CCND3: variants seen among roughly 807,000 people sequenced by gnomAD.
CCND3 encodes the protein G1/S-specific cyclin-D3.
A neutral mutation model predicts 28.7 loss-of-function variants in CCND3; 9 were observed. That is an observed-to-expected ratio of 0.31 (90% confidence interval 0.19 to 0.55). The LOEUF (loss-of-function observed/expected upper bound fraction) is 0.55, where lower values mean the gene tolerates loss of function less well. Among genes scored for constraint, CCND3 ranks in the 20% least tolerant of loss-of-function variants. The probability of loss-of-function intolerance (pLI) is 0.93; values close to 1 mark genes in which losing one functional copy is unlikely to be tolerated. For missense variants in CCND3, 315 were observed against 385.8 expected (o/e 0.82, Z 1.54); for synonymous variants, 164 against 163.9 (o/e 1.00, Z 0.00).
Position 41,987,727 on chromosome 6 carries a change from CTT to C in CCND3, c.-45-47144_-45-47143del, listed in dbSNP as rs370132001. Among the ~76,000 whole-genome samples, 40 of 151,206 alleles carry C rather than the reference CTT, an allele frequency of 2.6e-4. No homozygotes were observed. The East Asian group carries it at 7.4e-3, about 28-fold the overall frequency. On this transcript the variant is annotated intron_variant, in intron 1 of 4. Coordinates refer to the CCND3 transcript ENST00000372988. ...ATGTTGCCCAGACTGGTCTCGAACT[CTT>C]GGGCTCAAGTGATCTTCCTGCCTTG...
chr6:42,016,433 T>C (rs1454918926), intron 1 of CCND3, among the ~76,000 whole-genome samples: 2 of 152,146 alleles, frequency 1.3e-5, no homozygotes, highest in Non-Finnish European at 2.9e-5. Context: ...TACTAATATC[T>C]CTGTCCTTCA....
intron 1 of CCND3, among the ~76,000 whole-genome samples, chr6:42,014,892 A>G (rs1337757102): frequency 6.6e-6 from 1 of 152,228 alleles, no homozygotes; most frequent in Non-Finnish European, 1.5e-5. Flanking sequence ...TCCAACATAT[A>G]TACTTGTTAT....
At position 42,044,455 on chromosome 6, in the gene CCND3, T is replaced by C. The variant is rs1433313640; in HGVS notation, c.-46+4046A>G. Among the ~76,000 whole-genome samples the C allele has an allele frequency of 3.3e-5, 5 of 152,106 alleles. No individual in the cohort carries two copies. In the East Asian group the frequency reaches 5.8e-4, roughly 18 times the overall value. The stretch of plus-strand genomic sequence containing the variant: ...GAGTATGGGAGAGCAAAGAATGACA[T>C]AGAAGAGGAAAGCAGGGGGAAAATC... On this transcript the variant is annotated intron_variant, in intron 1 of 4. Transcript: ENST00000372988.
chr6:41,940,558 CCTCCTCACAGCGCTG>C lies in CCND3; in HGVS notation c.211_225del (p.Gln71_Glu75del). 6.2e-7 allele frequency: 1 copy of C among 1,613,770 alleles called. No individual in the cohort carries two copies. The highest frequency in any genetic ancestry group is 8.5e-7 in the Non-Finnish European group (1 of 1,179,890). On this transcript the variant is annotated inframe_deletion, in exon 2 of 5. Coordinates refer to ENST00000372991, the MANE Select transcript of CCND3 (RefSeq NM_001760.5). ...TAGTTCATGGCCAGGGGGAAGACTTCCTCCTCACAGCGCTGCTCCTCACATACCTGGGGGAGGGCG... is the reference window on the plus strand; with the variant it reads ...TAGTTCATGGCCAGGGGGAAGACTTCCTCCTCACATACCTGGGGGAGGGCG...
At chr6:42,000,235 T>G (rs866267850) in intron 1 of CCND3, among the ~76,000 whole-genome samples, 64 of 17,566 alleles carry the variant, frequency 3.6e-3, no homozygotes, top group South Asian at 6.8e-3. Context: ...GAAAACATAC[T>G]TTTTTTTTTT....
chr6:41,951,754 A>ATTTTTTATT (rs1321740660), intron 1 of CCND3, among the ~76,000 whole-genome samples: 1 of 151,184 alleles, frequency 6.6e-6, no homozygotes, highest in Non-Finnish European at 1.5e-5. Flanking sequence ...GATCCCACTT[A>ATTTTTTATT]TTTTTTATTT....
Position 41,941,218 on chromosome 6 carries a change from G to A in CCND3, c.198+234C>T. 2.1e-6 allele frequency: 3 copies of A among 1,435,630 alleles called. No homozygotes were observed. The highest frequency in any genetic ancestry group is 2.7e-6 in the Non-Finnish European group (3 of 1,099,102). The allele number at this position is 1,435,630 out of a possible 1,614,324, so 88.9% of individuals were successfully genotyped here. On this transcript the variant is annotated intron_variant, in intron 1 of 4. Transcript: ENST00000372991. This position sits in a 1 kb window ranked among gnomAD's most constrained non-coding sequence, Gnocchi z 6.1. ...TGGTCCCGTTTGCTCGGCCCGAAGA[G>A]AGGCACAGTTAGGGTGCCAAGTGAC...
At chr6:41,953,206 A>T (rs1029480526) in intron 1 of CCND3, among the ~76,000 whole-genome samples, 2 of 151,452 alleles carry the variant, frequency 1.3e-5, no homozygotes, top group Non-Finnish European at 2.9e-5. Flanking sequence ...CGGAGGTTGC[A>T]GTGAGCCGAG....
intron 1 of CCND3, among the ~76,000 whole-genome samples, chr6:42,004,655 G>A (rs747665611): frequency 5.3e-5 from 8 of 152,070 alleles, no homozygotes; most frequent in Non-Finnish European, 8.8e-5. Flanking sequence ...GCTTGAACCC[G>A]GGAGGCAGAA....
chr6:41,988,113 C>T (rs771589877), intron 1 of CCND3, among the ~76,000 whole-genome samples: 2 of 151,760 alleles, frequency 1.3e-5, no homozygotes, highest in East Asian at 1.9e-4. Flanking sequence ...GTCAGGAGTT[C>T]GAGACCAACC....
At chr6:42,015,538 G>A (rs180714321) in intron 1 of CCND3, among the ~76,000 whole-genome samples, 25 of 152,120 alleles carry the variant, frequency 1.6e-4, no homozygotes, top group African/African-American at 5.1e-4. Flanking sequence ...GTGAAATCTC[G>A]TCTCTACTAA....
At chr6:42,037,212 T>C (rs930297680) in intron 1 of CCND3, among the ~76,000 whole-genome samples, 4 of 151,950 alleles carry the variant, frequency 2.6e-5, no homozygotes, top group Non-Finnish European at 5.9e-5. Flanking sequence ...AGTGTTGGGA[T>C]TACAGGCGTG....
Position 41,935,577 on chromosome 6 carries a change from A to G in CCND3, c.*363T>C. 2.1e-6 allele frequency: 1 copy of G among 465,544 alleles called. No individual in the cohort carries two copies. 28.8% of individuals were successfully genotyped at this position (465,544 alleles called of 1,614,324 possible). A position where few individuals can be genotyped will look rare whatever the true frequency, so the allele number is the denominator to read the frequency against. On this transcript the variant is annotated 3_prime_UTR_variant, in exon 5 of 5. Transcript: ENST00000372991. The stretch of plus-strand genomic sequence containing the variant: ...AGGGACAACACCTTTAGAAGGCACT[A>G]GAGCATTTTGGCAGTTGAAAACATG...
upstream of CCND3, among the ~76,000 whole-genome samples, chr6:41,945,186 T>C (rs920686170): frequency 6.6e-6 from 1 of 152,124 alleles, no homozygotes; most frequent in Non-Finnish European, 1.5e-5. Flanking sequence ...GGAGGAAAGA[T>C]ACATTTTCTT....
At chr6:42,012,225 G>T (rs1763363384) in intron 1 of CCND3, among the ~76,000 whole-genome samples, 1 of 152,086 alleles carries the variant, frequency 6.6e-6, no homozygotes, top group South Asian at 2.1e-4. Context: ...GGCCAATATG[G>T]CAAAACCCCA....
rs960199290 is a variant in CCND3 at position 41,936,915 on chromosome 6, G to A, written c.575-220C>T. 1.0e-4 allele frequency: 62 copies of A among 600,242 alleles called. No individual in the cohort carries two copies. The highest frequency in any genetic ancestry group is 8.4e-5 in the East Asian group (3 of 35,632). The allele number at this position is 600,242 out of a possible 1,614,324, so 37.2% of individuals were successfully genotyped here. A position where few individuals can be genotyped will look rare whatever the true frequency, so the allele number is the denominator to read the frequency against. On this transcript the variant is annotated intron_variant, in intron 3 of 4. Transcript: ENST00000372991. This position sits in a 1 kb window ranked among gnomAD's most constrained non-coding sequence, Gnocchi z 4.4. ...CCAACTGCCAGTTTCCATAGGTCCCGGGAATAGACAAGACACTCCCTAGTA... is the reference window on the plus strand; with the variant it reads ...CCAACTGCCAGTTTCCATAGGTCCCAGGAATAGACAAGACACTCCCTAGTA...
chr6:41,974,767 G>A (rs1232520929), intron 1 of CCND3, among the ~76,000 whole-genome samples: 3 of 149,712 alleles, frequency 2.0e-5, no homozygotes, highest in African/African-American at 7.4e-5. Context: ...TTTCTCTTAA[G>A]CCTAACTGTC....
rs1762264963 is a variant in CCND3, at chr6:41,979,218, A to G, written c.-45-38633T>C. 1.3e-5 allele frequency among the ~76,000 whole-genome samples: 2 copies of G among 150,774 alleles called. 1 individual carries two copies. Among genetic ancestry groups the G allele is most frequent in the South Asian group, 4.2e-4 (2 of 4,804 alleles). ...TCCTGACTTGTTCTTTTGGAAAGTA[A>G]CTTATCAAGGCTTTTAAAAATATTC... is the stretch of plus-strand genomic sequence containing the variant. On this transcript the variant is annotated intron_variant, in intron 1 of 4. Coordinates refer to the CCND3 transcript ENST00000372988.
chr6:42,043,160 G>A (rs1764423963), intron 1 of CCND3, among the ~76,000 whole-genome samples: 1 of 152,218 alleles, frequency 6.6e-6, no homozygotes, highest in Non-Finnish European at 1.5e-5. Flanking sequence ...TTGGGAGGCC[G>A]AGGCAGGAGG....
Sources: gnomAD v4.1 joint callset for allele counts (sites outside exome capture counted in the v4.1 genomes callset) on GRCh38, gnomAD v4.1.1 for gene constraint, Gnocchi (gnomAD v3.1) non-coding constraint, MANE v1.5 for transcripts, NCBI Gene and HGNC (gene_info 2026-07-23, HGNC 2026-07-21) for gene names.